The following DLG2 variants were observed in gnomAD, a reference collection of about 807,000 sequenced individuals.
DLG2 encodes the protein discs large MAGUK scaffold protein 2.
In DLG2, 45 loss-of-function variants were observed where a neutral mutation model predicts 132.5. The observed-to-expected ratio is 0.34, with a 90% CI of 0.27 to 0.44. The LOEUF is 0.44. Ranked by LOEUF, DLG2 falls within the 20% of genes least tolerant of loss-of-function variation. The pLI is 1.00. For missense variants in DLG2, 1,045 were observed against 1,196.9 expected, an observed-to-expected ratio of 0.87 and a Z score of 1.87; for synonymous variants, 424 against 419.6, an observed-to-expected ratio of 1.01 and a Z score of -0.13.
At chr11:84,270,055 T>C (rs969385219) in intron 7 of DLG2, among the ~76,000 whole-genome samples, 3 of 152,176 alleles carry the variant, frequency 2.0e-5, no homozygotes, top group South Asian at 2.1e-4. Context: ...CCAGTCTCTA[T>C]GAAAAGAACT....
At chr11:84,581,241 T>C (rs889994138) in intron 6 of DLG2, among the ~76,000 whole-genome samples, 3 of 152,224 alleles carry the variant, frequency 2.0e-5, no homozygotes, top group African/African-American at 7.2e-5. Context: ...AATTATGACA[T>C]GAACACAAAA....
intron 6 of DLG2, among the ~76,000 whole-genome samples, chr11:85,088,177 G>C (rs768361716): frequency 6.6e-6 from 1 of 151,932 alleles, no homozygotes; most frequent in Non-Finnish European, 1.5e-5. Context: ...GAATGAAGAA[G>C]GTAAGGGAAA....
intron 3 of DLG2, among the ~76,000 whole-genome samples, chr11:85,472,829 G>A (rs1354975692): frequency 6.6e-6 from 1 of 152,226 alleles, no homozygotes; most frequent in Non-Finnish European, 1.5e-5. Flanking sequence ...CCAGAATCGG[G>A]CGAAGGGACT....
chr11:83,985,326 G>A (rs1384473213), intron 11 of DLG2, among the ~76,000 whole-genome samples: 3 of 151,714 alleles, frequency 2.0e-5, no homozygotes, highest in African/African-American at 4.8e-5. Flanking sequence ...CATCCTTGAC[G>A]TTTCTTTTTT....
chr11:85,157,858 T>C (rs2077704216), intron 4 of DLG2, among the ~76,000 whole-genome samples: 1 of 152,068 alleles, frequency 6.6e-6, no homozygotes, highest in African/African-American at 2.4e-5. Context: ...ACGAAGCTTT[T>C]TTTGCCAGAA....
At chr11:84,375,482 A>G (rs1400019006) in intron 7 of DLG2, among the ~76,000 whole-genome samples, 2 of 152,128 alleles carry the variant, frequency 1.3e-5, no homozygotes, top group Admixed American at 6.6e-5. Flanking sequence ...TTAGTTTTTT[A>G]TACCTTAATT....
intron 15 of DLG2, among the ~76,000 whole-genome samples, chr11:83,890,241 G>A (rs911252785): frequency 6.6e-6 from 1 of 152,004 alleles, no homozygotes; most frequent in Non-Finnish European, 1.5e-5. Flanking sequence ...AATTGCCCTG[G>A]ATATCTTTTC....
chr11:84,468,305 T>C (rs1434120371), intron 7 of DLG2, among the ~76,000 whole-genome samples: 1 of 151,512 alleles, frequency 6.6e-6, no homozygotes, highest in African/African-American at 2.4e-5. Context: ...TTGACTTCCA[T>C]GTGTGTTAAT....
chr11:84,268,740 C>T (rs756409132), intron 7 of DLG2, among the ~76,000 whole-genome samples: 4 of 152,020 alleles, frequency 2.6e-5, no homozygotes, highest in Admixed American at 1.3e-4. Context: ...GGATAACAGA[C>T]GTGAGCCACC....
rs531013991 is a variant in DLG2 at position 84,575,027 on chromosome 11, C to T, written c.358-40296G>A. ...TCCCTGGCTAGAAGCATCGTCAGCTCTCTGCTAATGTACTGATATACTCCT... is the reference window on the plus strand; with the variant it reads ...TCCCTGGCTAGAAGCATCGTCAGCTTTCTGCTAATGTACTGATATACTCCT... On this transcript the variant is annotated intron_variant, in intron 6 of 27. Coordinates refer to ENST00000376104, the MANE Select transcript of DLG2 (RefSeq NM_001142699.3). Among the ~76,000 whole-genome samples, 8 of 152,280 alleles carry T rather than the reference C, an allele frequency of 5.3e-5. No individual in the cohort carries two copies. The East Asian group carries it at 1.5e-3, about 29-fold the overall frequency.
At chr11:84,640,883 T>C in intron 6 of DLG2, among the ~76,000 whole-genome samples, 1 of 149,258 alleles carries the variant, frequency 6.7e-6, no homozygotes. Context: ...GAGGTTGCAG[T>C]GAGCTGCGAT....
intron 18 of DLG2, among the ~76,000 whole-genome samples, chr11:83,687,994 G>A (rs1384300113): frequency 6.7e-6 from 1 of 150,258 alleles, no homozygotes. Context: ...CTGGGTGACA[G>A]AGCAAGGCCC....
intron 4 of DLG2, among the ~76,000 whole-genome samples, chr11:85,216,322 C>T (rs2082593286): frequency 6.6e-6 from 1 of 152,068 alleles, no homozygotes; most frequent in Non-Finnish European, 1.5e-5. Flanking sequence ...GAAAATAGGC[C>T]ATTTTTTTCA....
chr11:85,369,312 T>TC (rs933284921), intron 3 of DLG2, among the ~76,000 whole-genome samples: 20 of 151,796 alleles, frequency 1.3e-4, no homozygotes, highest in East Asian at 1.9e-4. Context: ...GCCTTCCCTT[T>TC]CCCCCCGCCA....
At chr11:84,169,307 G>A (rs2095756120) in intron 8 of DLG2, among the ~76,000 whole-genome samples, 1 of 150,306 alleles carries the variant, frequency 6.7e-6, no homozygotes, top group African/African-American at 2.4e-5. Context: ...TTAACTGTCT[G>A]GCACAAAGCA....
intron 14 of DLG2, among the ~76,000 whole-genome samples, chr11:83,931,059 C>A (rs1304574735): frequency 2.0e-5 from 3 of 152,012 alleles, no homozygotes; most frequent in Non-Finnish European, 4.4e-5. Flanking sequence ...TAAATAGGAC[C>A]TAATATTAAC....
intron 4 of DLG2, among the ~76,000 whole-genome samples, chr11:85,259,925 C>T (rs957594486): frequency 1.3e-5 from 2 of 151,974 alleles, no homozygotes; most frequent in Non-Finnish European, 2.9e-5. Flanking sequence ...GGTAGGCCAT[C>T]CAATATGTTT....
At chr11:84,367,471 T>C (rs543798322) in intron 7 of DLG2, among the ~76,000 whole-genome samples, 1 of 152,250 alleles carries the variant, frequency 6.6e-6, no homozygotes, top group African/African-American at 2.4e-5. Flanking sequence ...GTTTGAAGTC[T>C]CGACGGCTGT....
chr11:85,559,061 G>T (rs1288216753), intron 3 of DLG2, among the ~76,000 whole-genome samples: 1 of 151,644 alleles, frequency 6.6e-6, no homozygotes, highest in African/African-American at 2.4e-5. Flanking sequence ...AATAGATAGT[G>T]GTGATGTTAT....
Sources: gnomAD v4.1 joint callset for allele counts (sites outside exome capture counted in the v4.1 genomes callset) on GRCh38, gnomAD v4.1.1 for gene constraint, MANE v1.5 for transcripts, NCBI Gene and HGNC (gene_info 2026-07-23, HGNC 2026-07-21) for gene names.